ANAPC7: variants seen among roughly 807,000 people sequenced by gnomAD.
The protein encoded by ANAPC7 is anaphase promoting complex subunit 7, also known as anaphase-promoting complex subunit 7.
ANAPC7 carries 25 observed loss-of-function variants against 63.3 expected under a neutral mutation model. The ratio of observed to expected loss-of-function variants is 0.39; its 90% CI spans 0.29 to 0.55. The LOEUF is 0.55. ANAPC7 is among the 20% of genes least tolerant of loss of function. The probability of loss-of-function intolerance (pLI) is 0.57; values close to 1 mark genes in which losing one functional copy is unlikely to be tolerated. For missense variants in ANAPC7, 516 were observed against 691.7 expected (o/e 0.75, Z 2.85); for synonymous variants, 241 against 251.7 (o/e 0.96, Z 0.40).
In ANAPC7 at chr12:110,403,695, G is replaced by A; in HGVS notation, c.-68C>T. ...GAAAAGCCGGTAGAGGATCCTTAGGGAAGACTCCAAAATGGCGGCGTCGCC... is the reference window on the plus strand; with the variant it reads ...GAAAAGCCGGTAGAGGATCCTTAGGAAAGACTCCAAAATGGCGGCGTCGCC... On this transcript the variant is annotated 5_prime_UTR_variant, in exon 1 of 11. Coordinates refer to ENST00000455511, the MANE Select transcript of ANAPC7 (RefSeq NM_016238.3). 1 of 1,552,686 alleles carries A rather than the reference G, an allele frequency of 6.4e-7. No individual in the cohort carries two copies.
intron 6 of ANAPC7, among the ~76,000 whole-genome samples, chr12:110,384,705 C>CA (rs1245931977): frequency 2.0e-5 from 3 of 150,492 alleles, no homozygotes; most frequent in Non-Finnish European, 4.4e-5. Flanking sequence ...ACAAAAAAAA[C>CA]AAAAAACCAA....
chr12:110,397,730 T>A (rs2062164572), intron 1 of ANAPC7, among the ~76,000 whole-genome samples: 1 of 151,968 alleles, frequency 6.6e-6, no homozygotes, highest in East Asian at 1.9e-4. Flanking sequence ...AAACCGTCTC[T>A]ACTAAAAATA....
chr12:110,398,589 A>G (rs774132905), intron 1 of ANAPC7, among the ~76,000 whole-genome samples: 3 of 152,226 alleles, frequency 2.0e-5, no homozygotes, highest in Admixed American at 6.5e-5. Flanking sequence ...TGAGGAACTC[A>G]TATTTTCAAC....
intron 2 of ANAPC7, 39 bp from the exon 3 acceptor site, chr12:110,395,259 C>A: frequency 2.5e-6 from 4 of 1,582,266 alleles, no homozygotes; most frequent in South Asian, 1.1e-5. Flanking sequence ...AACGTTATTC[C>A]AACAATATGA....
chr12:110,398,846 G>A (rs1399905813), intron 1 of ANAPC7, among the ~76,000 whole-genome samples: 1 of 151,890 alleles, frequency 6.6e-6, no homozygotes, highest in Non-Finnish European at 1.5e-5. Context: ...TCGGGAGGCT[G>A]AGGCAGGAGA....
chr12:110,382,998 G>T (rs1396475021), intron 6 of ANAPC7, 38 bp from the exon 7 acceptor site: 1 of 1,545,808 alleles, frequency 6.5e-7, no homozygotes, highest in Non-Finnish European at 8.9e-7. Flanking sequence ...GGTGTTTTAA[G>T]AAGAGAAGCA....
At chr12:110,386,150 G>T (rs949167440) in intron 6 of ANAPC7, among the ~76,000 whole-genome samples, 177 bp downstream of exon 6, 7 of 151,958 alleles carry the variant, frequency 4.6e-5, no homozygotes, top group African/African-American at 1.7e-4. Flanking sequence ...TGCTCAAATG[G>T]TATTACCTAA....
intron 5 of ANAPC7, 68 bp downstream of exon 5, chr12:110,387,671 T>C: frequency 1.3e-6 from 2 of 1,539,398 alleles, no homozygotes; most frequent in South Asian, 1.2e-5. Flanking sequence ...TTTTGCTACT[T>C]CAGATACATC....
In ANAPC7 at chr12:110,403,634, C is replaced by G. The variant is rs138457092; in HGVS notation, c.-7G>C. 4,542 of 1,595,384 alleles carry G rather than the reference C, an allele frequency of 2.8e-3. 54 individuals are homozygous for G. In the African/African-American group the frequency reaches 0.03, roughly 10 times the overall value. The stretch of plus-strand genomic sequence containing the variant: ...CGTGGTCTATCACATTCATCCTGCT[C>G]TGCAAAGCCGCGGGCAGCGGCGGCA... On this transcript the variant is annotated 5_prime_UTR_variant, in exon 1 of 11. Transcript: ENST00000455511.
At chr12:110,377,136 C>CAA (rs35149960) in intron 9 of ANAPC7, among the ~76,000 whole-genome samples, 628 of 46,164 alleles carry the variant, frequency 0.014, 1 homozygote, top group Non-Finnish European at 0.018. Context: ...GATGCCGTCT[C>CAA]AAAAAAAAAA....
chr12:110,386,541 T>C (rs1882469353), intron 5 of ANAPC7, 72 bp from the exon 6 acceptor site: 2 of 1,295,938 alleles, frequency 1.5e-6, no homozygotes, highest in African/African-American at 1.5e-5. Context: ...ATCTGGATGA[T>C]TGGTCATACA....
intron 1 of ANAPC7, among the ~76,000 whole-genome samples, chr12:110,402,784 A>G (rs1246312691): frequency 6.7e-6 from 1 of 150,344 alleles, no homozygotes; most frequent in Non-Finnish European, 1.5e-5. Flanking sequence ...CGCCCACGGT[A>G]AAGGACAATG....
chr12:110,386,921 CTT>C (rs1882500989), intron 5 of ANAPC7: 1 of 153,118 alleles, frequency 6.5e-6, no homozygotes, highest in South Asian at 2.1e-4. Flanking sequence ...AAATGATTTT[CTT>C]CCAGGCTGAA....
chr12:110,395,043 G>A, intron 3 of ANAPC7, 58 bp downstream of exon 3: 3 of 1,566,036 alleles, frequency 1.9e-6, no homozygotes, highest in Admixed American at 3.9e-5. Context: ...AGAAAACATG[G>A]AGAGAGGGAG....
At chr12:110,392,342 T>C (rs185690256) in intron 3 of ANAPC7, among the ~76,000 whole-genome samples, 13 of 151,956 alleles carry the variant, frequency 8.6e-5, no homozygotes, top group African/African-American at 2.9e-4. Context: ...ACTCAGAAAA[T>C]AGTAAATAAT....
Position 110,388,596 on chromosome 12 carries a change from T to G in ANAPC7, c.436A>C (p.Lys146Gln). The stretch of plus-strand genomic sequence containing the variant: ...GAAGGGCGCTCCTGACCAGCCTTCT[T>G]GTACAGGTTTGCCAGCATCATGTTT... ...KINMMLANLYKKAGQERPSVT... is the reference protein window; with the variant it reads ...KINMMLANLYQKAGQERPSVT... Residue 146 changes from lysine (K) to glutamine (Q), a missense_variant, in exon 4 of 11, where the codon AAG becomes CAG. Coordinates refer to ENST00000455511, the MANE Select transcript of ANAPC7 (RefSeq NM_016238.3). 6.2e-7 allele frequency: 1 copy of G among 1,614,164 alleles called. No individual in the cohort carries two copies. Among genetic ancestry groups the G allele is most frequent in the South Asian group, 1.1e-5 (1 of 91,088 alleles).
intron 6 of ANAPC7, 40 bp downstream of exon 6, chr12:110,386,287 C>T: frequency 6.2e-7 from 1 of 1,611,860 alleles, no homozygotes; most frequent in Non-Finnish European, 8.5e-7. Context: ...TGATCCCCCC[C>T]AACAACAGCC....
intron 1 of ANAPC7, among the ~76,000 whole-genome samples, chr12:110,403,281 G>A (rs1205789878): frequency 6.6e-6 from 1 of 152,184 alleles, no homozygotes; most frequent in East Asian, 1.9e-4. Context: ...GTCGTCCTCA[G>A]AGCCTCTGCC....
intron 2 of ANAPC7, 62 bp downstream of exon 2, chr12:110,396,204 C>G: frequency 6.7e-7 from 1 of 1,485,976 alleles, no homozygotes; most frequent in Non-Finnish European, 9.2e-7. Context: ...GGACCCTGTT[C>G]TAAATTCTTG....
Sources: allele counts gnomAD v4.1 joint callset (sites outside exome capture counted in the v4.1 genomes callset), GRCh38; gene constraint gnomAD v4.1.1; transcripts MANE v1.5; gene names NCBI Gene and HGNC (gene_info 2026-07-23, HGNC 2026-07-21).